TMPRSS11E: variants seen among roughly 807,000 people sequenced by gnomAD.
TMPRSS11E encodes transmembrane serine protease 11E.
A neutral mutation model predicts 48.1 loss-of-function variants in TMPRSS11E; 38 were observed. The observed-to-expected ratio is 0.79, with a 90% CI of 0.61 to 1.04. The LOEUF is 1.04. Among genes scored for constraint, TMPRSS11E ranks in the 50% least tolerant of loss-of-function variants. The pLI, the probability that TMPRSS11E is intolerant of heterozygous loss-of-function variation, is 0.00. For missense variants in TMPRSS11E, 530 were observed against 510.8 expected (o/e 1.04, Z -0.36); for synonymous variants, 158 against 171.9 (o/e 0.92, Z 0.63).
At chr4:68,490,845 G>C (rs1729697946) in intron 9 of TMPRSS11E, among the ~76,000 whole-genome samples, 1 of 133,930 alleles carries the variant, frequency 7.5e-6, no homozygotes, top group South Asian at 2.3e-4. Flanking sequence ...TGCAACCTCT[G>C]CCTCCTAGGT....
intron 1 of TMPRSS11E, among the ~76,000 whole-genome samples, chr4:68,450,332 A>G (rs1728460616): frequency 2.0e-5 from 3 of 151,926 alleles, no homozygotes; most frequent in African/African-American, 7.2e-5. Context: ...TAATGTTTTG[A>G]TAAGTGGTTA....
chr4:68,462,407 T>G (rs1728815250), intron 2 of TMPRSS11E, among the ~76,000 whole-genome samples: 3 of 131,830 alleles, frequency 2.3e-5, no homozygotes, highest in African/African-American at 5.9e-5. Context: ...TGAAACCCCG[T>G]GTCTACTAAA....
At chr4:68,451,707 G>A (rs1728501953) in intron 1 of TMPRSS11E, among the ~76,000 whole-genome samples, 1 of 151,856 alleles carries the variant, frequency 6.6e-6, no homozygotes, top group African/African-American at 2.4e-5. Flanking sequence ...GCCAACTACT[G>A]TCTTAAAACA....
At chr4:68,451,104 C>A (rs1160276547) in intron 1 of TMPRSS11E, among the ~76,000 whole-genome samples, 2 of 151,770 alleles carry the variant, frequency 1.3e-5, no homozygotes, top group East Asian at 3.9e-4. Context: ...GGTTTTAGTG[C>A]TTGTGAAAGA....
intron 2 of TMPRSS11E, 61 bp downstream of exon 2, chr4:68,462,006 G>C (rs1185676465): frequency 1.2e-6 from 2 of 1,601,384 alleles, no homozygotes; most frequent in Non-Finnish European, 1.7e-6. Context: ...ATACCTTGCT[G>C]TTTTGATTTG....
At chr4:68,488,708 T>C (rs527880199) in intron 9 of TMPRSS11E, among the ~76,000 whole-genome samples, 2 of 152,086 alleles carry the variant, frequency 1.3e-5, no homozygotes, top group South Asian at 4.2e-4. Flanking sequence ...CCGGCTAATT[T>C]TTTTGTATTT....
rs146663467 is a variant in TMPRSS11E at position 68,470,011 on chromosome 4, T to C, written c.326+1065T>C. Among the ~76,000 whole-genome samples, 456 of 152,012 alleles carry C rather than the reference T, an allele frequency of 3.0e-3. 1 individual carries two copies. The highest frequency in any genetic ancestry group is 0.01 in the African/African-American group (434 of 41,538). On this transcript the variant is annotated intron_variant, in intron 4 of 9. Transcript: ENST00000305363. Reference sequence around the variant, plus strand: ...CTGCTACTCATTATTCTGTCTTCTGTTACTGCAATAGTGAGAAGAGCAAGT... The same window carrying C: ...CTGCTACTCATTATTCTGTCTTCTGCTACTGCAATAGTGAGAAGAGCAAGT...
intron 1 of TMPRSS11E, among the ~76,000 whole-genome samples, chr4:68,450,515 T>A (rs1474334494): frequency 6.6e-6 from 1 of 151,756 alleles, no homozygotes; most frequent in Non-Finnish European, 1.5e-5. Flanking sequence ...CTTTGAGAAG[T>A]TTACAGAGAA....
At chr4:68,453,822 G>A (rs1560545806) in intron 1 of TMPRSS11E, among the ~76,000 whole-genome samples, 1 of 151,886 alleles carries the variant, frequency 6.6e-6, no homozygotes, top group Non-Finnish European at 1.5e-5. Context: ...TAATAGGGAG[G>A]TTCACAAAAT....
rs1441816204 is a variant in TMPRSS11E, at chr4:68,459,402, AAAAC to A, written c.12-2411_12-2408del. On this transcript the variant is annotated intron_variant, in intron 1 of 9. Coordinates refer to ENST00000305363, the MANE Select transcript of TMPRSS11E (RefSeq NM_014058.4). Reference sequence around the variant, plus strand: ...ATGTTGTTCTTAAAAAATCCACCATAAAACAAACAAATCCATAAATTAAAATTAA... The same window carrying A: ...ATGTTGTTCTTAAAAAATCCACCATAAAACAAATCCATAAATTAAAATTAA... Among the ~76,000 whole-genome samples the A allele has an allele frequency of 1.1e-4, 16 of 152,228 alleles. No individual in the cohort carries two copies. In the East Asian group the frequency reaches 3.1e-3, roughly 29 times the overall value.
At chr4:68,466,910 A>G (rs955135588) in intron 3 of TMPRSS11E, among the ~76,000 whole-genome samples, 158 bp downstream of exon 3, 2 of 152,162 alleles carry the variant, frequency 1.3e-5, no homozygotes, top group African/African-American at 2.4e-5. Context: ...AAAATGGACA[A>G]TACATCACTT....
intron 5 of TMPRSS11E, among the ~76,000 whole-genome samples, chr4:68,471,884 A>T (rs1411945455): frequency 6.6e-6 from 1 of 151,828 alleles, no homozygotes; most frequent in African/African-American, 2.4e-5. Context: ...TATAGAATCC[A>T]ATTATAAGTG....
intron 9 of TMPRSS11E, among the ~76,000 whole-genome samples, chr4:68,488,664 G>A (rs935442788): frequency 2.6e-5 from 4 of 151,796 alleles, no homozygotes; most frequent in Admixed American, 1.3e-4. Context: ...TCAGCCTCCT[G>A]AGTAGCTGGG....
At chr4:68,490,592 T>C (rs1197624553) in intron 9 of TMPRSS11E, among the ~76,000 whole-genome samples, 2 of 151,936 alleles carry the variant, frequency 1.3e-5, no homozygotes, top group Non-Finnish European at 2.9e-5. Flanking sequence ...CTGCTCCCCT[T>C]TTGGCCTCCA....
intron 4 of TMPRSS11E, among the ~76,000 whole-genome samples, chr4:68,470,760 A>T (rs1290640576): frequency 6.6e-6 from 1 of 151,884 alleles, no homozygotes; most frequent in African/African-American, 2.4e-5. Context: ...ATTCCAAGGT[A>T]GTAATTCATA....
At chr4:68,474,153 T>C (rs1008977044) in intron 5 of TMPRSS11E, among the ~76,000 whole-genome samples, 1 of 152,132 alleles carries the variant, frequency 6.6e-6, no homozygotes, top group African/African-American at 2.4e-5. Context: ...AGTCATTGGC[T>C]GGAGCTAAAT....
chr4:68,460,760 T>C (rs1560548311), intron 1 of TMPRSS11E, among the ~76,000 whole-genome samples: 1 of 152,156 alleles, frequency 6.6e-6, no homozygotes. Flanking sequence ...TATAACCCAA[T>C]GGGACAGCAA....
At chr4:68,457,743 T>C (rs965333145) in intron 1 of TMPRSS11E, among the ~76,000 whole-genome samples, 1 of 152,098 alleles carries the variant, frequency 6.6e-6, no homozygotes, top group Non-Finnish European at 1.5e-5. Flanking sequence ...CATGGAATAC[T>C]ATGCAGCCAT....
At chr4:68,489,029 T>C (rs1450551053) in intron 9 of TMPRSS11E, among the ~76,000 whole-genome samples, 1 of 152,184 alleles carries the variant, frequency 6.6e-6, no homozygotes, top group Middle Eastern at 3.2e-3. Context: ...AGTTCAGTCA[T>C]TTGGAGGTAA....
Sources: gnomAD v4.1 joint callset for allele counts (sites outside exome capture counted in the v4.1 genomes callset) on GRCh38, gnomAD v4.1.1 for gene constraint, MANE v1.5 for transcripts, NCBI Gene and HGNC (gene_info 2026-07-23, HGNC 2026-07-21) for gene names.